C12orf42: variants seen among roughly 807,000 people sequenced by gnomAD.
C12orf42 encodes chromosome 12 open reading frame 42.
Under a neutral mutation model 21.6 loss-of-function variants are expected in C12orf42, and 25 were observed. The observed-to-expected ratio is 1.16, with a 90% CI of 0.84 to 1.62. The LOEUF (loss-of-function observed/expected upper bound fraction) is 1.62. Among genes scored for constraint, C12orf42 ranks in the 40% most tolerant of loss-of-function variants. The pLI is 0.00. For synonymous variants in C12orf42, 174 were observed against 175.0 expected, an observed-to-expected ratio of 0.99 and a Z score of 0.05; for missense variants, 483 against 459.3, an observed-to-expected ratio of 1.05 and a Z score of -0.47.
At chr12:103,052,265 A>G in the C12orf42 span, among the ~76,000 whole-genome samples, 1 of 152,190 alleles carries the variant, frequency 6.6e-6, no homozygotes. Context: ...AGATGCTGCC[A>G]AATGACTTTT....
chr12:103,456,853 A>G (rs936909636), intron 2 of C12orf42, among the ~76,000 whole-genome samples: 31 of 152,182 alleles, frequency 2.0e-4, no homozygotes, highest in African/African-American at 7.2e-4. Context: ...TTACTAAATC[A>G]AATTAATAAA....
chr12:103,439,328 A>C (rs958277449), intron 2 of C12orf42, among the ~76,000 whole-genome samples: 5 of 152,064 alleles, frequency 3.3e-5, no homozygotes, highest in Non-Finnish European at 7.4e-5. Context: ...AGGCATTACC[A>C]TTCAGGACAT....
the C12orf42 span, among the ~76,000 whole-genome samples, chr12:103,174,778 T>C: frequency 1.3e-3 from 202 of 152,294 alleles, no homozygotes; most frequent in Admixed American, 3.2e-3. Context: ...AGTTTTAAAT[T>C]GTATTAATAA....
At chr12:103,232,327 C>A in the C12orf42 span, among the ~76,000 whole-genome samples, 475 of 152,210 alleles carry the variant, frequency 3.1e-3, 5 homozygotes, top group African/African-American at 0.011. Flanking sequence ...AGCTCACCGA[C>A]TCTTTCTTTT....
chr12:103,147,261 A>C, the C12orf42 span, among the ~76,000 whole-genome samples: 1 of 152,138 alleles, frequency 6.6e-6, no homozygotes, highest in South Asian at 2.1e-4. Flanking sequence ...AAAACAACCT[A>C]GTTTTTTCCC....
At chr12:103,531,986 G>C in the C12orf42 span, among the ~76,000 whole-genome samples, 1 of 152,134 alleles carries the variant, frequency 6.6e-6, no homozygotes, top group Non-Finnish European at 1.5e-5. Flanking sequence ...TGCTGCAATG[G>C]CCTATCTGTA....
chr12:103,401,408 T>C (rs1395218316), intron 3 of C12orf42, among the ~76,000 whole-genome samples, 199 bp downstream of exon 3: 2 of 151,878 alleles, frequency 1.3e-5, no homozygotes, highest in Non-Finnish European at 2.9e-5. Flanking sequence ...GAATAAGGAG[T>C]TGGCATGACT....
intron 10 of C12orf42, among the ~76,000 whole-genome samples, chr12:103,253,636 C>A (rs948397502): frequency 3.3e-5 from 5 of 151,966 alleles, no homozygotes; most frequent in African/African-American, 1.2e-4. Context: ...GGAACGCTTG[C>A]GATTTTTGCA....
intron 4 of C12orf42, among the ~76,000 whole-genome samples, chr12:103,365,634 G>T (rs958802183): frequency 6.6e-6 from 1 of 151,984 alleles, no homozygotes; most frequent in African/African-American, 2.4e-5. Context: ...AAAGTTTCAG[G>T]ATACAAAATT....
intron 10 of C12orf42, among the ~76,000 whole-genome samples, chr12:103,238,612 G>C (rs1565987481): frequency 6.6e-6 from 1 of 152,198 alleles, no homozygotes; most frequent in Non-Finnish European, 1.5e-5. Context: ...CCCAACAACT[G>C]TTGTTTCTTT....
the C12orf42 span, among the ~76,000 whole-genome samples, chr12:103,146,491 A>G: frequency 2.7e-5 from 4 of 150,734 alleles, no homozygotes; most frequent in Non-Finnish European, 4.4e-5. Flanking sequence ...AAAAAAAAAA[A>G]AAAGAAAGAA....
At chr12:103,220,727 C>T in the C12orf42 span, among the ~76,000 whole-genome samples, 81 of 152,272 alleles carry the variant, frequency 5.3e-4, no homozygotes, top group Non-Finnish European at 9.3e-4. Flanking sequence ...TCTGAAGTAT[C>T]TTCCTCTCTC....
the C12orf42 span, among the ~76,000 whole-genome samples, chr12:103,542,844 A>G: frequency 7.4e-4 from 113 of 152,354 alleles, no homozygotes; most frequent in African/African-American, 2.7e-3. Flanking sequence ...TTTAAGGTCT[A>G]CTATCTGAGG....
At chr12:103,053,865 T>C in the C12orf42 span, among the ~76,000 whole-genome samples, 2 of 152,030 alleles carry the variant, frequency 1.3e-5, no homozygotes, top group East Asian at 1.9e-4. Flanking sequence ...CTTTTCTCCA[T>C]CCAGTCTCTT....
intron 4 of C12orf42, among the ~76,000 whole-genome samples, chr12:103,348,966 T>C (rs2042868670): frequency 6.6e-6 from 1 of 152,184 alleles, no homozygotes; most frequent in South Asian, 2.1e-4. Context: ...GAAATCATGT[T>C]CTTCACAAAC....
chr12:103,207,636 T>C, the C12orf42 span, among the ~76,000 whole-genome samples: 1 of 152,214 alleles, frequency 6.6e-6, no homozygotes, highest in Non-Finnish European at 1.5e-5. Flanking sequence ...AAAAACTCAT[T>C]GTAGCCCCTC....
the C12orf42 span, among the ~76,000 whole-genome samples, chr12:103,531,127 C>A: frequency 6.6e-6 from 1 of 152,224 alleles, no homozygotes; most frequent in South Asian, 2.1e-4. Flanking sequence ...TCTCCTCCAA[C>A]TTGAAGGATC....
At chr12:103,472,803 A>T (rs1953733685) in intron 2 of C12orf42, among the ~76,000 whole-genome samples, 1 of 152,248 alleles carries the variant, frequency 6.6e-6, no homozygotes, top group African/African-American at 2.4e-5. Context: ...TGGAACACAC[A>T]TTCAGAGAGA....
chr12:103,224,125 C>G, the C12orf42 span, among the ~76,000 whole-genome samples: 1 of 152,076 alleles, frequency 6.6e-6, no homozygotes, highest in Non-Finnish European at 1.5e-5. Context: ...CTCTACCTAT[C>G]CAGTGAAAGT....
Sources: gnomAD v4.1 joint callset for allele counts (sites outside exome capture counted in the v4.1 genomes callset) on GRCh38, gnomAD v4.1.1 for gene constraint, MANE v1.5 for transcripts, NCBI Gene and HGNC (gene_info 2026-07-23, HGNC 2026-07-21) for gene names.